The following SMYD3 variants were observed in gnomAD, a reference collection of about 807,000 sequenced individuals.
SMYD3 encodes histone-lysine N-methyltransferase SMYD3.
In SMYD3, 36 loss-of-function variants were observed where a neutral mutation model predicts 57.7. The observed-to-expected ratio is 0.62, with a 90% confidence interval of 0.48 to 0.82. The LOEUF (loss-of-function observed/expected upper bound fraction) is 0.82. Among genes scored for constraint, SMYD3 ranks in the 40% least tolerant of loss-of-function variants. SMYD3 has a pLI of 0.00. For missense variants in SMYD3, 515 were observed against 538.8 expected (o/e 0.96, Z 0.44); for synonymous variants, 211 against 195.0 (o/e 1.08, Z -0.68).
intron 5 of SMYD3, among the ~76,000 whole-genome samples, chr1:246,079,179 G>C (rs1486946645): frequency 6.6e-6 from 1 of 152,160 alleles, no homozygotes; most frequent in Non-Finnish European, 1.5e-5. Context: ...AGATGGCACA[G>C]AGCAGATTCA....
At chr1:246,380,583 T>A (rs574740310) in intron 1 of SMYD3, among the ~76,000 whole-genome samples, 1 of 152,244 alleles carries the variant, frequency 6.6e-6, no homozygotes, top group Non-Finnish European at 1.5e-5. Flanking sequence ...ACTGGTCCCA[T>A]AAATACACTA....
At chr1:245,916,771 A>T (rs2055457306) in intron 7 of SMYD3, among the ~76,000 whole-genome samples, 1 of 152,120 alleles carries the variant, frequency 6.6e-6, no homozygotes, top group Admixed American at 6.5e-5. Flanking sequence ...CCCTCTAGCC[A>T]GAGTGATTCA....
At chr1:246,335,266 C>G (rs2065523471) in intron 3 of SMYD3, 101 bp downstream of exon 3, 1 of 1,060,778 alleles carries the variant, frequency 9.4e-7, no homozygotes, top group East Asian at 2.4e-5. Flanking sequence ...TTGTGGTAGT[C>G]TGAAACTGAA....
intron 5 of SMYD3, among the ~76,000 whole-genome samples, chr1:246,314,013 T>G (rs115421091): frequency 0.01 from 1,550 of 152,300 alleles, 37 homozygotes; most frequent in African/African-American, 0.035. Context: ...TCCATGTCAA[T>G]TATCTTTATT....
intron 5 of SMYD3, among the ~76,000 whole-genome samples, chr1:246,067,278 T>TG (rs934346819): frequency 1.3e-4 from 20 of 152,082 alleles, no homozygotes; most frequent in African/African-American, 4.8e-4. Flanking sequence ...AGACAGCCAG[T>TG]GGGGGAGAAT....
intron 1 of SMYD3, among the ~76,000 whole-genome samples, chr1:246,403,019 C>T (rs982288369): frequency 6.6e-6 from 1 of 152,178 alleles, no homozygotes; most frequent in Non-Finnish European, 1.5e-5. Flanking sequence ...CCCATTCTAC[C>T]CGAACTGTCC....
At chr1:246,235,556 A>AG (rs111233693) in intron 5 of SMYD3, among the ~76,000 whole-genome samples, 1 of 127,900 alleles carries the variant, frequency 7.8e-6, no homozygotes, top group Non-Finnish European at 1.8e-5. Context: ...GTAGACAGAC[A>AG]AAAAGACATG....
intron 5 of SMYD3, among the ~76,000 whole-genome samples, chr1:245,972,702 A>T (rs1293128196): frequency 6.6e-6 from 1 of 152,170 alleles, no homozygotes; most frequent in Non-Finnish European, 1.5e-5. Context: ...TTCTGGAGCT[A>T]AGCCTTGAGA....
At chr1:245,774,909 G>A (rs1378579919) in intron 10 of SMYD3, among the ~76,000 whole-genome samples, 3 of 152,168 alleles carry the variant, frequency 2.0e-5, no homozygotes, top group African/African-American at 7.2e-5. Context: ...CACTGTGTTG[G>A]CCGGGCTGGT....
At chr1:246,485,609 C>CT (rs1222879089) in intron 1 of SMYD3, among the ~76,000 whole-genome samples, 1 of 151,406 alleles carries the variant, frequency 6.6e-6, no homozygotes, top group Non-Finnish European at 1.5e-5. Context: ...CAGTGAGACC[C>CT]CCCCCCACAT....
chr1:245,895,762 T>TC (rs1273557404), intron 8 of SMYD3, among the ~76,000 whole-genome samples: 5 of 152,226 alleles, frequency 3.3e-5, no homozygotes, highest in African/African-American at 1.2e-4. Context: ...TCAAGGCAGT[T>TC]CCCACACAGC....
Position 246,067,104 on chromosome 1 carries a change from C to T in SMYD3, c.532-137167G>A, listed in dbSNP as rs145463247. ...TCACGTACCACCATTTGATGACAAT[C>T]TAGTTTAATAAAGATAGAGCTAAAA... On this transcript the variant is annotated intron_variant, in intron 5 of 11. Transcript: ENST00000490107. Among the ~76,000 whole-genome samples the T allele has an allele frequency of 4.1e-4, 62 of 152,254 alleles. No individual in the cohort carries two copies. In the East Asian group the frequency reaches 0.011, roughly 27 times the overall value.
intron 8 of SMYD3, among the ~76,000 whole-genome samples, chr1:245,873,996 A>G (rs563788647): frequency 3.0e-4 from 45 of 152,358 alleles, no homozygotes; most frequent in African/African-American, 1.1e-3. Context: ...TTAGTCGCCT[A>G]TGTGTAAAGT....
At chr1:246,018,849 C>T (rs1216479896) in intron 5 of SMYD3, among the ~76,000 whole-genome samples, 1 of 152,100 alleles carries the variant, frequency 6.6e-6, no homozygotes, top group East Asian at 1.9e-4. Context: ...AGCAATCCTC[C>T]TGCCTTGGCC....
At chr1:245,794,987 T>C (rs61831339) in intron 10 of SMYD3, among the ~76,000 whole-genome samples, 58,944 of 152,118 alleles carry the variant, frequency 0.39, 13,029 homozygotes, top group Middle Eastern at 0.56. Context: ...TGAATCTCAG[T>C]GGTTCTCTTT....
intron 5 of SMYD3, among the ~76,000 whole-genome samples, chr1:246,311,892 C>T (rs1187678712): frequency 7.2e-5 from 11 of 152,160 alleles, no homozygotes; most frequent in Non-Finnish European, 1.0e-4. Flanking sequence ...CGGCAGGCAT[C>T]GTCAAGCTTT....
chr1:245,875,844 AG>A lies in SMYD3; in HGVS notation c.814-11959del, dbSNP rs199575574. 4.8e-3 allele frequency among the ~76,000 whole-genome samples: 738 copies of A among 152,360 alleles called. 10 individuals are homozygous for A. Among genetic ancestry groups the A allele is most frequent in the African/African-American group, 0.016 (683 of 41,586 alleles). On this transcript the variant is annotated intron_variant, in intron 8 of 11. Coordinates refer to ENST00000490107, the MANE Select transcript of SMYD3 (RefSeq NM_001167740.2). Reference sequence around the variant, plus strand: ...AGACTACTCTGAAAGTAAGATTTTAAGGTTTGTAAATGCTTACCAACTAAAA... The same window carrying A: ...AGACTACTCTGAAAGTAAGATTTTAAGTTTGTAAATGCTTACCAACTAAAA...
At chr1:246,073,289 C>T (rs1220938029) in intron 5 of SMYD3, among the ~76,000 whole-genome samples, 2 of 152,084 alleles carry the variant, frequency 1.3e-5, no homozygotes, top group African/African-American at 4.8e-5. Context: ...TGTGTTCAGT[C>T]ATGTATTTAT....
At chr1:245,986,954 T>C (rs2058717614) in intron 5 of SMYD3, among the ~76,000 whole-genome samples, 1 of 152,214 alleles carries the variant, frequency 6.6e-6, no homozygotes, top group Non-Finnish European at 1.5e-5. Context: ...TTTATGTAAA[T>C]GTCAATGTAC....
Sources: allele counts gnomAD v4.1 joint callset (sites outside exome capture counted in the v4.1 genomes callset), GRCh38; gene constraint gnomAD v4.1.1; transcripts MANE v1.5; gene names NCBI Gene and HGNC (gene_info 2026-07-23, HGNC 2026-07-21).